ZNF774: variants seen among roughly 807,000 people sequenced by gnomAD.
ZNF774 encodes zinc finger protein 774.
In ZNF774, 14 loss-of-function variants were observed where a neutral mutation model predicts 11.1. The ratio of observed to expected loss-of-function variants is 1.26; its 90% CI spans 0.83 to 1.97. ZNF774 has a LOEUF of 1.97. Ranked by LOEUF, ZNF774 falls within the 30% of genes most tolerant of loss-of-function variation. The pLI, the probability that ZNF774 is intolerant of heterozygous loss-of-function variation, is 0.00. For missense variants in ZNF774, 599 were observed against 587.0 expected, an observed-to-expected ratio of 1.02 and a Z score of -0.21; for synonymous variants, 195 against 212.6, an observed-to-expected ratio of 0.92 and a Z score of 0.72.
At position 90,362,009 on chromosome 15, in the gene ZNF774, C is replaced by T. The variant is rs1964344416; in HGVS notation, c.*726C>T. ...AATGCAGTACCTGGCCCTTAAAAGA[C>T]ACTCAGTACAAGATTGGTGGCTTTT... On this transcript the variant is annotated 3_prime_UTR_variant, in exon 4 of 4. Transcript: ENST00000354377. 1 of 155,242 alleles carries T rather than the reference C, an allele frequency of 6.4e-6. No individual in the cohort carries two copies. The highest frequency in any genetic ancestry group is 1.4e-5 in the Non-Finnish European group (1 of 69,824). The allele number at this position is 155,242 out of a possible 1,614,324, so 9.6% of individuals were successfully genotyped here. A position where few individuals can be genotyped will look rare whatever the true frequency, so the allele number is the denominator to read the frequency against.
At chr15:90,355,121 C>T (rs1319097042) in intron 2 of ZNF774, among the ~76,000 whole-genome samples, 2 of 152,202 alleles carry the variant, frequency 1.3e-5, no homozygotes, top group African/African-American at 4.8e-5. Flanking sequence ...GACCACTGCT[C>T]TCCTTTAATT....
chr15:90,354,739 C>G lies in ZNF774; in HGVS notation c.79C>G (p.Gln27Glu). ...TCCTCTCCAGGAATGCCACCCAGCA[C>G]AGTTAGAAGAATGGGCTCTCAAAGG... is the stretch of plus-strand genomic sequence containing the variant. ...ENPLQECHPA[Q>E]LEEWALKGIS... Residue 27 changes from glutamine (Q) to glutamate (E), a missense_variant, in exon 2 of 4, where the codon CAG (glutamine) becomes GAG (glutamate). Physicochemically the swap from Gln to Glu is conservative, Grantham distance 29. Transcript: ENST00000354377. The G allele has an allele frequency of 6.2e-7, 1 of 1,612,382 alleles. No individual in the cohort carries two copies. Among genetic ancestry groups the G allele is most frequent in the Non-Finnish European group, 8.5e-7 (1 of 1,179,272 alleles).
chr15:90,361,909 C>G lies in ZNF774; in HGVS notation c.*626C>G, dbSNP rs1268742376. On this transcript the variant is annotated 3_prime_UTR_variant, in exon 4 of 4. Coordinates refer to ENST00000354377, the MANE Select transcript of ZNF774 (RefSeq NM_001004309.3). Reference sequence around the variant, plus strand: ...TCACCACCTAGTACAGTGCCTGGCACAACATAGATGCTCAATAACTAAATG... The same window carrying G: ...TCACCACCTAGTACAGTGCCTGGCAGAACATAGATGCTCAATAACTAAATG... 1 of 153,736 alleles carries G rather than the reference C, an allele frequency of 6.5e-6. No individual in the cohort carries two copies. The highest frequency in any genetic ancestry group is 1.4e-5 in the Non-Finnish European group (1 of 69,138). 9.5% of individuals were successfully genotyped at this position (153,736 alleles called of 1,614,324 possible).
intron 2 of ZNF774, chr15:90,355,305 C>G (rs1048544795): frequency 2.2e-6 from 1 of 456,076 alleles, no homozygotes; most frequent in Non-Finnish European, 4.4e-6. Context: ...CTTTTAATAT[C>G]TCATCATAAC....
At position 90,361,495 on chromosome 15, in the gene ZNF774, ACT is replaced by A; in HGVS notation, c.*215_*216del. 1 of 1,322,532 alleles carries A rather than the reference ACT, an allele frequency of 7.6e-7. No homozygotes were observed. Among genetic ancestry groups the A allele is most frequent in the Non-Finnish European group, 9.6e-7 (1 of 1,037,932 alleles). The allele number at this position is 1,322,532 out of a possible 1,614,324, so 81.9% of individuals were successfully genotyped here. A position where few individuals can be genotyped will look rare whatever the true frequency, so the allele number is the denominator to read the frequency against. On this transcript the variant is annotated 3_prime_UTR_variant, in exon 4 of 4. Coordinates refer to ENST00000354377, the MANE Select transcript of ZNF774 (RefSeq NM_001004309.3). ...AAGGCATTCCTTCAGTGTGTGACTG[ACT>A]CTTAGGGAAATGTGAGTTTAATAGT...
intron 2 of ZNF774, among the ~76,000 whole-genome samples, chr15:90,355,645 C>G (rs539436758): frequency 2.7e-4 from 39 of 146,590 alleles, no homozygotes; most frequent in African/African-American, 1.0e-3. Context: ...ATTGCTTGAA[C>G]CTGGGAGGTG....
In ZNF774 at chr15:90,362,578, A is replaced by G. The variant is rs1161535181; in HGVS notation, c.*1295A>G. 2.0e-6 allele frequency: 3 copies of G among 1,535,664 alleles called. No homozygotes were observed. The highest frequency in any genetic ancestry group is 2.6e-6 in the Non-Finnish European group (3 of 1,146,628). Reference sequence around the variant, plus strand: ...AGGTTATGCACTAGTACATTCCTACATTCAATTGAAATAAATTGAGGGACG... The same window carrying G: ...AGGTTATGCACTAGTACATTCCTACGTTCAATTGAAATAAATTGAGGGACG... On this transcript the variant is annotated 3_prime_UTR_variant, in exon 4 of 4. Coordinates refer to ENST00000354377, the MANE Select transcript of ZNF774 (RefSeq NM_001004309.3).
Position 90,358,959 on chromosome 15 carries a change from T to G in ZNF774, c.211+2T>G, listed in dbSNP as rs751696869. On this transcript the variant is annotated splice_donor_variant, in intron 3 of 3. Coordinates refer to ENST00000354377, the MANE Select transcript of ZNF774 (RefSeq NM_001004309.3). LOFTEE classifies it high-confidence loss of function. ...AGATCCCGAGGGAAAGCCACACAGG[T>G]GAGATGTGAGTGCTCCCCAGTGGAA... 6 of 1,610,366 alleles carry G rather than the reference T, an allele frequency of 3.7e-6. No individual in the cohort carries two copies. The highest frequency in any genetic ancestry group is 3.3e-5 in the Admixed American group (2 of 59,926).
At chr15:90,359,137 A>G (rs918937887) in intron 3 of ZNF774, among the ~76,000 whole-genome samples, 180 bp downstream of exon 3, 1 of 148,808 alleles carries the variant, frequency 6.7e-6, no homozygotes, top group Non-Finnish European at 1.5e-5. Context: ...CAGTGGCGCA[A>G]TCTCGGCTCA....
rs1171759562 is a variant in ZNF774, at chr15:90,361,065, TTCAA to T, written c.1238_1241del (p.Asn413ArgfsTer13). Reference sequence around the variant, plus strand: ...CAAATGTGGAGAGTGTGGGAAGAGCTTCAATCAGAGCTCCCACTTTATTACCCAT... The same window carrying T: ...CAAATGTGGAGAGTGTGGGAAGAGCTTCAGAGCTCCCACTTTATTACCCAT... On this transcript the variant is annotated frameshift_variant, in exon 4 of 4. Transcript: ENST00000354377. LOFTEE classifies it low-confidence loss of function (END_TRUNC). The T allele has an allele frequency of 6.2e-7, 1 of 1,614,078 alleles. No individual in the cohort carries two copies. The highest frequency in any genetic ancestry group is 1.3e-5 in the African/African-American group (1 of 75,014).
chr15:90,360,353 T>G lies in ZNF774; in HGVS notation c.522T>G (p.Thr174=). The G allele has an allele frequency of 6.2e-7, 1 of 1,613,226 alleles. No individual in the cohort carries two copies. The highest frequency in any genetic ancestry group is 8.5e-7 in the Non-Finnish European group (1 of 1,179,776). ...TCATAAGACACCTAAGAACCCACAC[T>G]GGCGAGAGGCCCTATACGTGCATTG... The part of the protein sequence containing the change: ...SYLIRHLRTH[T]GERPYTCIEC... The change falls in exon 4 of 4, where the codon ACT becomes ACG. Residue 174 remains threonine (T), a synonymous_variant. Transcript: ENST00000354377.
chr15:90,353,897 T>C (rs1964208318), intron 1 of ZNF774, among the ~76,000 whole-genome samples: 1 of 152,152 alleles, frequency 6.6e-6, no homozygotes, highest in Non-Finnish European at 1.5e-5. Context: ...AATTGTTGAA[T>C]AAATGACTGA....
chr15:90,359,458 C>T (rs200007984), intron 3 of ZNF774, among the ~76,000 whole-genome samples: 2 of 151,746 alleles, frequency 1.3e-5, no homozygotes, highest in East Asian at 3.9e-4. Flanking sequence ...TTTTGTCTAA[C>T]CTATGTTTTT....
intron 1 of ZNF774, 97 bp from the exon 2 acceptor site, chr15:90,354,545 G>A (rs762420478): frequency 1.4e-6 from 1 of 718,136 alleles, no homozygotes; most frequent in Non-Finnish European, 2.4e-6. Context: ...CAGGTGTGGG[G>A]GGTTGTTTGT....
In ZNF774 at chr15:90,360,866, G is replaced by C. The variant is rs1567102747; in HGVS notation, c.1035G>C (p.Arg345Ser). Residue 345 changes from arginine (R) to serine (S), a missense_variant, in exon 4 of 4, where the codon AGG becomes AGC. Arg to Ser is a moderately radical substitution (Grantham distance 110). Transcript: ENST00000354377. ...ACATGAGCACTCATTCAGGAGAGAG[G>C]CCTTTCAGTTGTCCTGACTGCCACA... ...VAHMSTHSGERPFSCPDCHKS... is the reference protein window; with the variant it reads ...VAHMSTHSGESPFSCPDCHKS... The C allele has an allele frequency of 1.2e-6, 2 of 1,614,112 alleles. No homozygotes were observed. Among genetic ancestry groups the C allele is most frequent in the Admixed American group, 1.7e-5 (1 of 60,032 alleles).
chr15:90,362,555 G>T lies in ZNF774; in HGVS notation c.*1272G>T, dbSNP rs201635569. On this transcript the variant is annotated 3_prime_UTR_variant, in exon 4 of 4. Coordinates refer to ENST00000354377, the MANE Select transcript of ZNF774 (RefSeq NM_001004309.3). ...CTCTGATCCTTTTAGGGCCATCCAG[G>T]TTATGCACTAGTACATTCCTACATT... 467 of 1,535,804 alleles carry T rather than the reference G, an allele frequency of 3.0e-4. 1 individual carries two copies. Among genetic ancestry groups the T allele is most frequent in the Non-Finnish European group, 3.8e-4 (437 of 1,146,798 alleles).
Position 90,360,358 on chromosome 15 carries a change from A to G in ZNF774, c.527A>G (p.Glu176Gly). The change falls in exon 4 of 4, where the codon GAG (glutamate) becomes GGG (glycine). Residue 176 changes from glutamate to glycine, a missense_variant. Coordinates refer to ENST00000354377, the MANE Select transcript of ZNF774 (RefSeq NM_001004309.3). ...AGACACCTAAGAACCCACACTGGCG[A>G]GAGGCCCTATACGTGCATTGAGTGT... ...LIRHLRTHTG[E>G]RPYTCIECGK... 6.2e-7 allele frequency: 1 copy of G among 1,614,232 alleles called. No homozygotes were observed. Among genetic ancestry groups the G allele is most frequent in the Non-Finnish European group, 8.5e-7 (1 of 1,180,040 alleles).
intron 1 of ZNF774, among the ~76,000 whole-genome samples, chr15:90,354,254 A>G (rs1427444341): frequency 6.6e-6 from 1 of 152,172 alleles, no homozygotes; most frequent in African/African-American, 2.4e-5. Flanking sequence ...TAAGGCCACA[A>G]TTTCCTTGCT....
At position 90,353,515 on chromosome 15, in the gene ZNF774, G is replaced by T. The variant is rs372864789; in HGVS notation, c.-20+1104G>T. The stretch of plus-strand genomic sequence containing the variant: ...GTAGTGGGACAAAAGATGTGAAAGA[G>T]TAAAACTTCTTCACCACAGTCTGGT... On this transcript the variant is annotated intron_variant, in intron 1 of 3. Coordinates refer to ENST00000354377, the MANE Select transcript of ZNF774 (RefSeq NM_001004309.3). Among the ~76,000 whole-genome samples, 32 of 151,322 alleles carry T rather than the reference G, an allele frequency of 2.1e-4. No homozygotes were observed. In the East Asian group the frequency reaches 4.7e-3, roughly 22 times the overall value.
Sources: allele counts gnomAD v4.1 joint callset (sites outside exome capture counted in the v4.1 genomes callset), GRCh38; gene constraint gnomAD v4.1.1; transcripts MANE v1.5; gene names NCBI Gene and HGNC (gene_info 2026-07-23, HGNC 2026-07-21).